ZNF214: variants seen among roughly 807,000 people sequenced by gnomAD.
ZNF214 encodes BWSCR2-associated zinc finger protein 1.
Under a neutral mutation model 53.9 loss-of-function variants are expected in ZNF214, and 43 were observed. The observed-to-expected ratio is 0.80, with a 90% confidence interval of 0.63 to 1.03. ZNF214 has a LOEUF of 1.03. Among genes scored for constraint, ZNF214 ranks in the 50% least tolerant of loss-of-function variants. The pLI, the probability that ZNF214 is intolerant of heterozygous loss-of-function variation, is 0.00. For synonymous variants in ZNF214, 217 were observed against 229.5 expected (o/e 0.95, Z 0.49); for missense variants, 724 against 719.1 (o/e 1.01, Z -0.08).
chr11:7,001,580 A>G (rs1401466518), intron 2 of ZNF214, 25 bp from the exon 3 acceptor site: 2 of 1,559,836 alleles, frequency 1.3e-6, no homozygotes, highest in Non-Finnish European at 1.7e-6. Flanking sequence ...AGATAATCCC[A>G]TGGTGAGATA....
rs1851267296 is a variant in ZNF214, at chr11:6,999,547, T to TC, written c.*314dup. 6 of 166,004 alleles carry TC rather than the reference T, an allele frequency of 3.6e-5. No homozygotes were observed. Among genetic ancestry groups the TC allele is most frequent in the Non-Finnish European group, 7.3e-5 (6 of 81,680 alleles). The allele number at this position is 166,004 out of a possible 1,614,324, so 10.3% of individuals were successfully genotyped here. A position where few individuals can be genotyped will look rare whatever the true frequency, so the allele number is the denominator to read the frequency against. ...AAAATACAAAATTGAACACACAATT[T>TC]CATGCACATTAAAATGCACAGAAAA... On this transcript the variant is annotated 3_prime_UTR_variant, in exon 3 of 3. Coordinates refer to ENST00000278314, the MANE Select transcript of ZNF214 (RefSeq NM_013249.4).
At chr11:7,003,239 G>A (rs976338857) in intron 1 of ZNF214, among the ~76,000 whole-genome samples, 1 of 151,956 alleles carries the variant, frequency 6.6e-6, no homozygotes, top group African/African-American at 2.4e-5. Flanking sequence ...AATTGGTTAT[G>A]TGACAAAGCC....
chr11:7,013,745 CCAA>C (rs1851674338), intron 1 of ZNF214, among the ~76,000 whole-genome samples: 1 of 152,148 alleles, frequency 6.6e-6, no homozygotes, highest in Non-Finnish European at 1.5e-5. Flanking sequence ...TCTGATCACC[CCAA>C]CAATAAGTAA....
At chr11:7,011,048 C>T (rs1284759910) in intron 1 of ZNF214, among the ~76,000 whole-genome samples, 1 of 151,858 alleles carries the variant, frequency 6.6e-6, no homozygotes, top group Non-Finnish European at 1.5e-5. Flanking sequence ...GCTCTTCCTC[C>T]CTCTCCCTAA....
intron 1 of ZNF214, among the ~76,000 whole-genome samples, chr11:7,010,357 C>T (rs575238265): frequency 2.0e-5 from 3 of 151,828 alleles, no homozygotes; most frequent in African/African-American, 2.4e-5. Context: ...ATTATATTTT[C>T]GAGCTAAATA....
chr11:7,018,213 G>A (rs1851820844), intron 1 of ZNF214, among the ~76,000 whole-genome samples: 1 of 152,086 alleles, frequency 6.6e-6, no homozygotes, highest in Admixed American at 6.5e-5. Context: ...AGATGCACAA[G>A]AATAAATAAC....
chr11:6,998,847 T>TC lies in ZNF214; in HGVS notation c.*1014dup, dbSNP rs1428755392. ...TTTCCTAAACATGTCCACTTTTTTTTCTCTTGGTATTACTTCAGCATATTT... is the reference window on the plus strand; with the variant it reads ...TTTCCTAAACATGTCCACTTTTTTTTCCTCTTGGTATTACTTCAGCATATTT... On this transcript the variant is annotated 3_prime_UTR_variant, in exon 3 of 3. Coordinates refer to ENST00000278314, the MANE Select transcript of ZNF214 (RefSeq NM_013249.4). Among the ~76,000 whole-genome samples the TC allele has an allele frequency of 3.3e-5, 5 of 152,112 alleles. No individual in the cohort carries two copies. Among genetic ancestry groups the TC allele is most frequent in the African/African-American group, 1.2e-4 (5 of 41,534 alleles).
intron 1 of ZNF214, among the ~76,000 whole-genome samples, chr11:7,007,692 C>A (rs1003094291): frequency 6.6e-6 from 1 of 151,618 alleles, no homozygotes; most frequent in Non-Finnish European, 1.5e-5. Flanking sequence ...TAATATGTCC[C>A]TCTCAAAAAA....
At position 7,001,561 on chromosome 11, in the gene ZNF214, A is replaced by G; in HGVS notation, c.128-6T>C. On this transcript the variant is annotated splice_region_variant and splice_polypyrimidine_tract_variant and intron_variant, in intron 2 of 2. Transcript: ENST00000278314. The stretch of plus-strand genomic sequence containing the variant: ...GTAGCTCTCATTCCAGTTTTCTAGA[A>G]AAATAAAAAGATAATCCCATGGTGA... 12 of 1,582,810 alleles carry G rather than the reference A, an allele frequency of 7.6e-6. No individual in the cohort carries two copies. Among genetic ancestry groups the G allele is most frequent in the Non-Finnish European group, 1.0e-5 (12 of 1,167,326 alleles).
rs35065160 is a variant in ZNF214, at chr11:7,000,067, GA to G, written c.1615del (p.Ser539LeufsTer75). 4 of 1,613,210 alleles carry G rather than the reference GA, an allele frequency of 2.5e-6. No individual in the cohort carries two copies. In the African/African-American group the frequency reaches 5.3e-5, roughly 22 times the overall value. On this transcript the variant is annotated frameshift_variant, in exon 3 of 3. Coordinates refer to ENST00000278314, the MANE Select transcript of ZNF214 (RefSeq NM_013249.4). LOFTEE classifies it high-confidence loss of function. ...HDCGKGFSHSSNLHIHQRVHT... is the reference protein window; with the variant it reads ...HDCGKGFSHSXNLHIHQRVHT... ...GACCCTCTGATGAATGTGAAGATTA[GA>G]ACTGTGACTAAAACCCTTTCCACAA...
At chr11:7,007,518 T>C (rs911425482) in intron 1 of ZNF214, among the ~76,000 whole-genome samples, 12 of 151,796 alleles carry the variant, frequency 7.9e-5, no homozygotes, top group Non-Finnish European at 1.2e-4. Flanking sequence ...GAGTAAAATT[T>C]ATGGCAAAAA....
At position 6,999,755 on chromosome 11, in the gene ZNF214, T is replaced by G. The variant is rs1851273338; in HGVS notation, c.*107A>C. On this transcript the variant is annotated 3_prime_UTR_variant, in exon 3 of 3. Transcript: ENST00000278314. ...GGGAGATAGGGGAAACTATAAATGTTGCTTGGGATTACTTGTGTTATTTAT... is the reference window on the plus strand; with the variant it reads ...GGGAGATAGGGGAAACTATAAATGTGGCTTGGGATTACTTGTGTTATTTAT... 5 of 1,232,136 alleles carry G rather than the reference T, an allele frequency of 4.1e-6. No homozygotes were observed. Among genetic ancestry groups the G allele is most frequent in the Middle Eastern group, 2.9e-4 (1 of 3,462 alleles). 76.3% of individuals were successfully genotyped at this position (1,232,136 alleles called of 1,614,324 possible).
intron 1 of ZNF214, among the ~76,000 whole-genome samples, chr11:7,014,886 G>A (rs1851722343): frequency 6.6e-6 from 1 of 151,496 alleles, no homozygotes; most frequent in African/African-American, 2.4e-5. Context: ...TGGACTCCAG[G>A]CTGGGAGAGA....
chr11:7,012,154 G>A (rs984363901), intron 1 of ZNF214, among the ~76,000 whole-genome samples: 1 of 152,136 alleles, frequency 6.6e-6, no homozygotes, highest in Non-Finnish European at 1.5e-5. Flanking sequence ...CAAAACTACA[G>A]TAGTAAAATC....
At chr11:7,003,949 T>TA (rs1367616213) in intron 1 of ZNF214, among the ~76,000 whole-genome samples, 1 of 151,572 alleles carries the variant, frequency 6.6e-6, no homozygotes, top group South Asian at 2.1e-4. Context: ...ATATATAAAT[T>TA]AAAAAAAGAA....
In ZNF214 at chr11:6,998,655, A is replaced by G. The variant is rs927232460; in HGVS notation, c.*1207T>C. Among the ~76,000 whole-genome samples, 13 of 151,994 alleles carry G rather than the reference A, an allele frequency of 8.6e-5. No individual in the cohort carries two copies. Among genetic ancestry groups the G allele is most frequent in the African/African-American group, 2.7e-4 (11 of 41,490 alleles). ...ACTTTAGATACTCTTCTCTACTTGT[A>G]TATTTCTACTCTATCTTTACTGAGT... is the stretch of plus-strand genomic sequence containing the variant. On this transcript the variant is annotated 3_prime_UTR_variant, in exon 3 of 3. Transcript: ENST00000278314.
chr11:7,005,404 T>C (rs1851451254), intron 1 of ZNF214, among the ~76,000 whole-genome samples: 1 of 151,948 alleles, frequency 6.6e-6, no homozygotes, highest in Non-Finnish European at 1.5e-5. Flanking sequence ...GACAAGCCTA[T>C]TGATAGAGAA....
At position 7,000,102 on chromosome 11, in the gene ZNF214, T is replaced by C. The variant is rs765066717; in HGVS notation, c.1581A>G (p.Lys527=). Residue 527 remains lysine, a synonymous_variant, in exon 3 of 3, where the codon AAA becomes AAG. Transcript: ENST00000278314. The stretch of plus-strand genomic sequence containing the variant: ...TAAAACCCTTTCCACAATCATGACA[T>C]TTATAGGGCTTTTCTCCTGTATGGA... ...QRVHTGEKPY[K]CHDCGKGFSH... The C allele has an allele frequency of 4.3e-6, 7 of 1,613,156 alleles. No individual in the cohort carries two copies. In the East Asian group the frequency reaches 1.6e-4, roughly 36 times the overall value.
Position 6,999,125 on chromosome 11 carries a change from T to C in ZNF214, c.*737A>G, listed in dbSNP as rs773578113. Reference sequence around the variant, plus strand: ...ACTTTTGTCCATACCCTTCACACCTTAGAGAAAATTCTGTACTTCTTGTTG... The same window carrying C: ...ACTTTTGTCCATACCCTTCACACCTCAGAGAAAATTCTGTACTTCTTGTTG... On this transcript the variant is annotated 3_prime_UTR_variant, in exon 3 of 3. Transcript: ENST00000278314. Among the ~76,000 whole-genome samples the C allele has an allele frequency of 1.1e-4, 17 of 151,902 alleles. No homozygotes were observed. Among genetic ancestry groups the C allele is most frequent in the Admixed American group, 2.0e-4 (3 of 15,206 alleles).
Sources: gnomAD v4.1 joint callset for allele counts (sites outside exome capture counted in the v4.1 genomes callset) on GRCh38, gnomAD v4.1.1 for gene constraint, MANE v1.5 for transcripts, NCBI Gene and HGNC (gene_info 2026-07-23, HGNC 2026-07-21) for gene names.